Variants in TBKBP1 observed in about 807,000 individuals in gnomAD.
TBKBP1 encodes TANK-binding kinase 1-binding protein 1.
Under a neutral mutation model 69.9 loss-of-function variants are expected in TBKBP1, and 47 were observed. That is an observed-to-expected ratio of 0.67 (90% confidence interval 0.53 to 0.86). The LOEUF (loss-of-function observed/expected upper bound fraction) is 0.86, where lower values mean the gene tolerates loss of function less well. Ranked by LOEUF, TBKBP1 falls within the 40% of genes least tolerant of loss-of-function variation. The pLI is 0.00. For missense variants in TBKBP1, 831 were observed against 858.6 expected (o/e 0.97, Z 0.40); for synonymous variants, 418 against 390.3 (o/e 1.07, Z -0.84).
Position 47,708,769 on chromosome 17 carries a change from C to CCCG in TBKBP1, c.1036_1037insCCG (p.Gln346delinsProGlu). 2.7e-6 allele frequency: 3 copies of CCCG among 1,107,146 alleles called. No individual in the cohort carries two copies. The highest frequency in any genetic ancestry group is 1.6e-5 in the African/African-American group (1 of 62,648). The allele number at this position is 1,107,146 out of a possible 1,614,324, so 68.6% of individuals were successfully genotyped here. ...GTCACAACGCCACTCCCCGGCCCCCCAGTGCCCCTCCCCCTCCCCGCCTGC... is the reference window on the plus strand; with the variant it reads ...GTCACAACGCCACTCCCCGGCCCCCCCCGAGTGCCCCTCCCCCTCCCCGCCTGC... On this transcript the variant is annotated protein_altering_variant, in exon 9 of 10. Coordinates refer to ENST00000578982, the MANE Select transcript of TBKBP1 (RefSeq NM_001394755.1). The surrounding 1 kb of genome is among the most constrained non-coding windows in gnomAD (Gnocchi z 4.4).
chr17:47,696,873 C>G, intron 3 of TBKBP1, 40 bp downstream of exon 3: 1 of 1,607,570 alleles, frequency 6.2e-7, no homozygotes, highest in Non-Finnish European at 8.5e-7. Flanking sequence ...GAGCATCTTG[C>G]TCCAGTCTGT....
In TBKBP1 at chr17:47,711,752, C is replaced by A. The variant is rs992015297; in HGVS notation, c.*1126C>A. 1 of 152,472 alleles carries A rather than the reference C, an allele frequency of 6.6e-6. No homozygotes were observed. Among genetic ancestry groups the A allele is most frequent in the Non-Finnish European group, 1.5e-5 (1 of 68,046 alleles). 9.4% of individuals were successfully genotyped at this position (152,472 alleles called of 1,614,324 possible). On this transcript the variant is annotated 3_prime_UTR_variant, in exon 10 of 10. Transcript: ENST00000578982. ...GAAAGCCTGCCACCCCACAATGAAT[C>A]CACCCTGCTCCACTGCGCGCCTCTC...
In TBKBP1 at chr17:47,709,240, C is replaced by T; in HGVS notation, c.1507C>T (p.Leu503Phe). 2 of 1,524,858 alleles carry T rather than the reference C, an allele frequency of 1.3e-6. No individual in the cohort carries two copies. The highest frequency in any genetic ancestry group is 8.7e-7 in the Non-Finnish European group (1 of 1,145,206). 94.5% of individuals were successfully genotyped at this position (1,524,858 alleles called of 1,614,324 possible). The change falls in exon 9 of 10, where the codon CTC becomes TTC. Residue 503 changes from leucine (L) to phenylalanine (F), a missense_variant. Physicochemically the swap from Leu to Phe is conservative, Grantham distance 22 (BLOSUM62 0). Transcript: ENST00000578982. ...GSELYGPGRP[L>F]SPRRAFEGIR... ...CGAGCTCTACGGCCCTGGCAGGCCC[C>T]TCAGCCCGCGGCGCGCCTTCGAGGG...
In TBKBP1 at chr17:47,696,228, C is replaced by T. The variant is rs200203531; in HGVS notation, c.116C>T (p.Ala39Val). 362 of 1,613,766 alleles carry T rather than the reference C, an allele frequency of 2.2e-4. 4 individuals carry two copies. The East Asian group carries it at 7.9e-3, about 35-fold the overall frequency. ...TCGCTTGGGGGCGACATGTGCTCCG[C>T]CTCCCACTTTGCCCTCATCACTGCT... ...DPSLGGDMCS[A>V]SHFALITAYG... Residue 39 changes from alanine (A) to valine (V), a missense_variant, in exon 2 of 10, where the codon GCC (alanine) becomes GTC (valine). Transcript: ENST00000578982.
chr17:47,708,770 A>AC lies in TBKBP1; in HGVS notation c.1037_1038insC (p.Gln346HisfsTer119). The stretch of plus-strand genomic sequence containing the variant: ...TCACAACGCCACTCCCCGGCCCCCC[A>AC]GTGCCCCTCCCCCTCCCCGCCTGCC... On this transcript the variant is annotated frameshift_variant, in exon 9 of 10. Transcript: ENST00000578982. LOFTEE classifies it high-confidence loss of function. The surrounding 1 kb of genome is among the most constrained non-coding windows in gnomAD (Gnocchi z 4.4). 2.9e-5 allele frequency: 10 copies of AC among 346,054 alleles called. No homozygotes were observed. The highest frequency in any genetic ancestry group is 8.9e-5 in the African/African-American group (1 of 11,252). The allele number at this position is 346,054 out of a possible 1,614,324, so 21.4% of individuals were successfully genotyped here.
chr17:47,698,908 C>G lies in TBKBP1; in HGVS notation c.634+133C>G, dbSNP rs965866551. 7.9e-6 allele frequency: 7 copies of G among 889,982 alleles called. No individual in the cohort carries two copies. The African/African-American group carries it at 1.0e-4, about 13-fold the overall frequency. The allele number at this position is 889,982 out of a possible 1,614,324, so 55.1% of individuals were successfully genotyped here. ...TCCATAATCATCCCATCCTCCCTTA[C>G]CTGCTGTCCCCTCACCTCACCCACT... On this transcript the variant is annotated intron_variant, in intron 5 of 9. Coordinates refer to ENST00000578982, the MANE Select transcript of TBKBP1 (RefSeq NM_001394755.1).
chr17:47,696,664 C>G (rs1393064209), intron 2 of TBKBP1, 47 bp from the exon 3 acceptor site: 3 of 1,612,926 alleles, frequency 1.9e-6, no homozygotes, highest in African/African-American at 2.7e-5. Context: ...GAGGCCTGGG[C>G]TGGGCACCCG....
intron 7 of TBKBP1, 93 bp downstream of exon 7, chr17:47,699,790 C>G (rs1338896959): frequency 7.2e-6 from 10 of 1,398,530 alleles, no homozygotes; most frequent in Non-Finnish European, 1.0e-5. Context: ...TGCTGTTGCT[C>G]TGTGTGCATC....
rs1316933821 is a variant in TBKBP1, at chr17:47,700,179, T to C, written c.872+482T>C. Among the ~76,000 whole-genome samples the C allele has an allele frequency of 3.3e-5, 5 of 151,052 alleles. No individual in the cohort carries two copies. The East Asian group carries it at 7.8e-4, about 24-fold the overall frequency. On this transcript the variant is annotated intron_variant, in intron 7 of 9. Coordinates refer to ENST00000578982, the MANE Select transcript of TBKBP1 (RefSeq NM_001394755.1). ...TTTTTTTTTGTATTTTTAGTAGAGA[T>C]GGGGTTTCACTGCGTTAGCCAGGAT...
intron 5 of TBKBP1, 129 bp downstream of exon 5, chr17:47,698,904 C>A: frequency 3.1e-6 from 3 of 953,586 alleles, no homozygotes; most frequent in South Asian, 3.7e-5. Context: ...CCCATCCTCC[C>A]TTACCTGCTG....
Position 47,696,149 on chromosome 17 carries a change from A to G in TBKBP1, c.37A>G (p.Thr13Ala). 6.2e-7 allele frequency: 1 copy of G among 1,613,216 alleles called. No individual in the cohort carries two copies. Among genetic ancestry groups the G allele is most frequent in the Non-Finnish European group, 8.5e-7 (1 of 1,179,700 alleles). Residue 13 changes from threonine to alanine, a missense_variant, in exon 2 of 10, where the codon ACG becomes GCG. Physicochemically the swap from Thr to Ala is moderately conservative, Grantham distance 58 (BLOSUM62 0). Coordinates refer to ENST00000578982, the MANE Select transcript of TBKBP1 (RefSeq NM_001394755.1). ...SMFEDDISIL[T>A]QEALGPSEVW... is the part of the protein sequence containing the mutation. ...GTTCGAGGACGACATCAGCATCCTG[A>G]CGCAGGAGGCCCTGGGGCCTAGTGA...
intron 2 of TBKBP1, 142 bp from the exon 3 acceptor site, chr17:47,696,569 C>A: frequency 7.4e-7 from 1 of 1,358,212 alleles, no homozygotes; most frequent in Non-Finnish European, 1.0e-6. Context: ...TGGCTACAGA[C>A]CCATGGGAAT....
Position 47,705,172 on chromosome 17 carries a change from C to G in TBKBP1, c.873-3222C>G, listed in dbSNP as rs577489517. The stretch of plus-strand genomic sequence containing the variant: ...CCCTTCTGTTGCTGCCTTGCCTTTC[C>G]TCTCCCCTCCTTCCCGCTTCTTTGG... On this transcript the variant is annotated intron_variant, in intron 7 of 9. Transcript: ENST00000578982. Among the ~76,000 whole-genome samples the G allele has an allele frequency of 2.6e-5, 4 of 152,298 alleles. No individual in the cohort carries two copies. The East Asian group carries it at 7.7e-4, about 29-fold the overall frequency.
At chr17:47,696,997 TGGGAGTGGGGGTGGGGAGGTGCA>T in intron 3 of TBKBP1, 69 bp from the exon 4 acceptor site, 5 of 1,518,022 alleles carry the variant, frequency 3.3e-6, no homozygotes, top group Non-Finnish European at 4.5e-6. Flanking sequence ...CATAGGGTGC[TGGGAGTGGGGGTGGGGAGGTGCA>T]GGGAGCTCTC....
At chr17:47,702,987 G>T (rs1436301496) in intron 7 of TBKBP1, among the ~76,000 whole-genome samples, 1 of 125,732 alleles carries the variant, frequency 8.0e-6, no homozygotes, top group African/African-American at 3.3e-5. Context: ...GGGAAATGCG[G>T]GGGGGGGAAC....
intron 7 of TBKBP1, among the ~76,000 whole-genome samples, chr17:47,702,985 CG>C (rs199975174): frequency 4.7e-4 from 6 of 12,658 alleles, no homozygotes; most frequent in South Asian, 3.0e-3. Flanking sequence ...AGGGGAAATG[CG>C]GGGGGGGGAA....
chr17:47,704,473 A>G (rs1165501709), intron 7 of TBKBP1, among the ~76,000 whole-genome samples: 1 of 152,082 alleles, frequency 6.6e-6, no homozygotes, highest in African/African-American at 2.4e-5. Flanking sequence ...TGGGTGGTGG[A>G]AAGTTTGGTC....
intron 7 of TBKBP1, among the ~76,000 whole-genome samples, chr17:47,705,737 G>A (rs1290116855): frequency 6.6e-6 from 1 of 152,196 alleles, no homozygotes; most frequent in Admixed American, 6.5e-5. Context: ...CATCTTCAGC[G>A]GCCCAGGCCT....
intron 2 of TBKBP1, 137 bp downstream of exon 2, chr17:47,696,474 CGTGGCT>C: frequency 8.6e-7 from 1 of 1,165,780 alleles, no homozygotes; most frequent in East Asian, 2.5e-5. Context: ...CCATGAGAGA[CGTGGCT>C]GTTCCGGATG....
Sources: allele counts gnomAD v4.1 joint callset (sites outside exome capture counted in the v4.1 genomes callset), GRCh38; gene constraint gnomAD v4.1.1; non-coding constraint Gnocchi (gnomAD v3.1); transcripts MANE v1.5; gene names NCBI Gene and HGNC (gene_info 2026-07-23, HGNC 2026-07-21).